DOCK4: variants seen among roughly 807,000 people sequenced by gnomAD.
The protein encoded by DOCK4 is dedicator of cytokinesis protein 4.
A neutral mutation model predicts 268.1 loss-of-function variants in DOCK4; 97 were observed. The observed-to-expected ratio is 0.36, with a 90% CI of 0.31 to 0.43. DOCK4 has a LOEUF of 0.43. Ranked by LOEUF, DOCK4 falls within the 20% of genes least tolerant of loss-of-function variation. DOCK4 has a pLI of 1.00. For missense variants in DOCK4, 2,145 were observed against 2,455.7 expected, an observed-to-expected ratio of 0.87 and a Z score of 2.67; for synonymous variants, 954 against 887.2, an observed-to-expected ratio of 1.08 and a Z score of -1.34.
intron 30 of DOCK4, among the ~76,000 whole-genome samples, chr7:111,796,825 C>T (rs1038714421): frequency 2.0e-5 from 3 of 152,140 alleles, no homozygotes; most frequent in African/African-American, 7.2e-5. Flanking sequence ...ACAAGGTGGA[C>T]AAGCTAAGGT....
intron 7 of DOCK4, among the ~76,000 whole-genome samples, chr7:111,979,535 C>T (rs548696106): frequency 6.6e-6 from 1 of 150,652 alleles, no homozygotes. Context: ...TAAAAATACA[C>T]CTCTAACTAA....
intron 1 of DOCK4, among the ~76,000 whole-genome samples, chr7:112,130,256 A>G (rs1295707518): frequency 1.3e-5 from 2 of 152,168 alleles, no homozygotes; most frequent in Non-Finnish European, 2.9e-5. Context: ...GGGAGAGCCA[A>G]TATGAGCCTG....
At chr7:112,156,236 C>T (rs1816601663) in intron 1 of DOCK4, among the ~76,000 whole-genome samples, 1 of 152,200 alleles carries the variant, frequency 6.6e-6, no homozygotes, top group Non-Finnish European at 1.5e-5. Context: ...CACACAGACA[C>T]TGTAAAAATT....
At chr7:111,930,545 C>T (rs538342526) in intron 12 of DOCK4, among the ~76,000 whole-genome samples, 3 of 152,222 alleles carry the variant, frequency 2.0e-5, no homozygotes, top group East Asian at 3.9e-4. Flanking sequence ...AAAAACAGTA[C>T]TTTTTAGAGT....
chr7:111,748,949 G>GTCAAATATGTCTC (rs1046240490), intron 42 of DOCK4, among the ~76,000 whole-genome samples: 2 of 152,212 alleles, frequency 1.3e-5, no homozygotes, highest in African/African-American at 4.8e-5. Context: ...ACAACACTGA[G>GTCAAATATGTCTC]TCAAATATGT....
chr7:111,951,899 A>C (rs1161981845), intron 8 of DOCK4, among the ~76,000 whole-genome samples: 5 of 152,030 alleles, frequency 3.3e-5, no homozygotes, highest in African/African-American at 1.2e-4. Flanking sequence ...AAAGAAGAGC[A>C]AAACTAACTA....
Position 111,739,197 on chromosome 7 carries a change from A to G in DOCK4, c.5169T>C (p.Ser1723=), listed in dbSNP as rs199794600. The G allele has an allele frequency of 1.2e-6, 2 of 1,614,014 alleles. No homozygotes were observed. Among genetic ancestry groups the G allele is most frequent in the East Asian group, 2.2e-5 (1 of 44,874 alleles). ...ATGGTCTCTCTCTTGGTGACAGGCA[A>G]GAGTTTTCTCGGGAATGTTTGTGTT... ...SDKHKHSREN[S]CLSPRERPCS... Residue 1723 remains serine, a synonymous_variant, in exon 49 of 53, where the codon TCT becomes TCC. Coordinates refer to ENST00000428084, the MANE Select transcript of DOCK4 (RefSeq NM_001363540.2).
intron 1 of DOCK4, among the ~76,000 whole-genome samples, chr7:112,067,221 G>GA (rs747904535): frequency 2.1e-3 from 217 of 103,988 alleles, no homozygotes; most frequent in South Asian, 6.8e-3. Context: ...TTTATAATCA[G>GA]AAAAAAAAAA....
At chr7:111,916,575 T>C (rs1792603123) in intron 12 of DOCK4, among the ~76,000 whole-genome samples, 1 of 152,156 alleles carries the variant, frequency 6.6e-6, no homozygotes, top group African/African-American at 2.4e-5. Context: ...TTATTATTTT[T>C]ACCCCAATTA....
At chr7:112,202,112 C>T (rs1820998871) in intron 1 of DOCK4, among the ~76,000 whole-genome samples, 1 of 152,182 alleles carries the variant, frequency 6.6e-6, no homozygotes, top group South Asian at 2.1e-4. Flanking sequence ...AGGTTGCTTT[C>T]ATATCTCAGA....
intron 13 of DOCK4, among the ~76,000 whole-genome samples, chr7:111,908,507 CAA>C (rs959799253): frequency 6.9e-6 from 1 of 144,392 alleles, no homozygotes; most frequent in African/African-American, 2.7e-5. Flanking sequence ...CTCTTTTTGT[CAA>C]AGTGACTTTT....
At chr7:112,151,313 C>T (rs561273809) in intron 1 of DOCK4, among the ~76,000 whole-genome samples, 2 of 152,184 alleles carry the variant, frequency 1.3e-5, no homozygotes, top group South Asian at 2.1e-4. Flanking sequence ...ACAACATCTA[C>T]CTCATAGGTC....
chr7:111,782,579 G>A (rs879661346), intron 35 of DOCK4, among the ~76,000 whole-genome samples: 2 of 152,136 alleles, frequency 1.3e-5, no homozygotes, highest in African/African-American at 2.4e-5. Context: ...GTGAAGTAGT[G>A]CAACCGGGGA....
rs746720307 is a variant in DOCK4, at chr7:111,778,307, A to G, written c.3648T>C (p.Tyr1216=). The G allele has an allele frequency of 1.9e-6, 3 of 1,613,166 alleles. No individual in the cohort carries two copies. The highest frequency in any genetic ancestry group is 2.5e-6 in the Non-Finnish European group (3 of 1,179,314). Residue 1216 remains tyrosine, a synonymous_variant, in exon 36 of 53, where the codon TAT becomes TAC. Transcript: ENST00000428084. Reference sequence around the variant, plus strand: ...AGTTCTGTGCTTTGAGATGCAGATCATAGAGTTTGTGAATGTAGCGTATAT... The same window carrying G: ...AGTTCTGTGCTTTGAGATGCAGATCGTAGAGTTTGTGAATGTAGCGTATAT... ...EMYIRYIHKL[Y]DLHLKAQNFT... is the part of the protein sequence containing the mutation.
intron 16 of DOCK4, among the ~76,000 whole-genome samples, chr7:111,878,439 C>T (rs1326148029): frequency 3.9e-5 from 6 of 152,162 alleles, no homozygotes; most frequent in Non-Finnish European, 2.9e-5. Flanking sequence ...CCCCAGAACA[C>T]CAAATTTTCA....
chr7:111,732,351 TGCCCTC>T, intron 51 of DOCK4, 64 bp from the exon 52 acceptor site: 3 of 1,549,834 alleles, frequency 1.9e-6, no homozygotes, highest in Non-Finnish European at 2.7e-6. Flanking sequence ...TATCTGCACA[TGCCCTC>T]TGTGTTACAA....
intron 1 of DOCK4, among the ~76,000 whole-genome samples, chr7:112,152,005 T>C (rs1816142618): frequency 6.7e-6 from 1 of 150,170 alleles, no homozygotes; most frequent in Non-Finnish European, 1.5e-5. Context: ...GAAGCTAATA[T>C]GCAATAACTT....
chr7:112,192,467 A>G (rs1820047143), intron 1 of DOCK4, among the ~76,000 whole-genome samples: 1 of 151,992 alleles, frequency 6.6e-6, no homozygotes, highest in Non-Finnish European at 1.5e-5. Context: ...CCAGGATATG[A>G]GACACTCTTT....
intron 12 of DOCK4, 64 bp downstream of exon 12, chr7:111,935,472 AACAG>A (rs1586427117): frequency 1.4e-5 from 20 of 1,399,212 alleles, no homozygotes; most frequent in East Asian, 2.3e-5. Flanking sequence ...TTCCTTCCCA[AACAG>A]ACAAACAAAA....
Sources: allele counts gnomAD v4.1 joint callset (sites outside exome capture counted in the v4.1 genomes callset), GRCh38; gene constraint gnomAD v4.1.1; transcripts MANE v1.5; gene names NCBI Gene and HGNC (gene_info 2026-07-23, HGNC 2026-07-21).